The following TNS3 variants were observed in gnomAD, a reference collection of about 807,000 sequenced individuals.
TNS3 encodes the protein tensin 3.
In TNS3, 45 loss-of-function variants were observed where a neutral mutation model predicts 140.9. The observed-to-expected ratio is 0.32, with a 90% CI of 0.25 to 0.41. The LOEUF is 0.41. Among genes scored for constraint, TNS3 ranks in the 10% least tolerant of loss-of-function variants. The pLI is 1.00. For missense variants in TNS3, 1,716 were observed against 1,906.7 expected, an observed-to-expected ratio of 0.90 and a Z score of 1.86; for synonymous variants, 815 against 788.4, an observed-to-expected ratio of 1.03 and a Z score of -0.56.
intron 20 of TNS3, among the ~76,000 whole-genome samples, chr7:47,319,206 G>A (rs1787587520): frequency 6.6e-6 from 1 of 152,182 alleles, no homozygotes; most frequent in Admixed American, 6.5e-5. Context: ...TCACGGTTCT[G>A]AAGGCTGTAG....
At chr7:47,453,393 C>T (rs548863581) in intron 4 of TNS3, among the ~76,000 whole-genome samples, 4 of 152,270 alleles carry the variant, frequency 2.6e-5, no homozygotes, top group South Asian at 2.1e-4. Flanking sequence ...AAACCTACTT[C>T]GAGCTGCTGG....
chr7:47,582,239 C>T (rs1189257571), upstream of TNS3: 6 of 237,484 alleles, frequency 2.5e-5, no homozygotes, highest in Non-Finnish European at 5.1e-5. Context: ...GTCACCTGGC[C>T]TCATCACCCT....
intron 13 of TNS3, 101 bp from the exon 14 acceptor site, chr7:47,401,015 C>A: frequency 6.6e-7 from 1 of 1,512,638 alleles, no homozygotes; most frequent in Non-Finnish European, 9.0e-7. Context: ...AGGGCCTCCC[C>A]TCTGGACTCT....
At chr7:47,486,297 T>C (rs1229388816) in intron 3 of TNS3, among the ~76,000 whole-genome samples, 1 of 151,518 alleles carries the variant, frequency 6.6e-6, no homozygotes, top group Admixed American at 6.6e-5. Flanking sequence ...TGAAACTGAG[T>C]TTTGTAAGTG....
intron 3 of TNS3, among the ~76,000 whole-genome samples, chr7:47,490,709 G>A (rs1797778997): frequency 6.6e-6 from 1 of 152,250 alleles, no homozygotes; most frequent in Non-Finnish European, 1.5e-5. Context: ...CGTTGGAAAT[G>A]GGCATGAGGG....
intron 20 of TNS3, among the ~76,000 whole-genome samples, chr7:47,344,353 C>G (rs1789193895): frequency 6.6e-6 from 1 of 151,820 alleles, no homozygotes; most frequent in Non-Finnish European, 1.5e-5. Flanking sequence ...GGAGGGGCCA[C>G]AAGGTACGTG....
At chr7:47,293,232 A>G (rs1392588097) in intron 25 of TNS3, among the ~76,000 whole-genome samples, 3 of 152,214 alleles carry the variant, frequency 2.0e-5, no homozygotes, top group Non-Finnish European at 2.9e-5. Flanking sequence ...TCAACCATAT[A>G]TATTACCCCT....
At position 47,415,199 on chromosome 7, in the gene TNS3, G is replaced by C; in HGVS notation, c.481C>G (p.Gln161Glu). 1.2e-6 allele frequency: 2 copies of C among 1,603,960 alleles called. No individual in the cohort carries two copies. The highest frequency in any genetic ancestry group is 1.7e-6 in the Non-Finnish European group (2 of 1,175,952). The change falls in exon 11 of 31, where the codon CAG becomes GAG. Residue 161 changes from glutamine to glutamate, a missense_variant. Physicochemically the swap from Gln to Glu is conservative, Grantham distance 29 (BLOSUM62 2). Transcript: ENST00000311160. ...CCGGACAGGAGCCCACTGAGGAACT[G>C]AACATACCTGCAAAACGGACAGCTG... ...LMQPSQKRYV[Q>E]FLSGLLSGSV...
rs552194762 is a variant in TNS3 at position 47,406,706 on chromosome 7, G to A, written c.723+5021C>T. On this transcript the variant is annotated intron_variant, in intron 13 of 30. Coordinates refer to ENST00000311160, the MANE Select transcript of TNS3 (RefSeq NM_022748.12). The stretch of plus-strand genomic sequence containing the variant: ...AAATCTATGCACATGCTTTCTGCTC[G>A]TTAGGATCCTCTCCAAGCCATGACT... 1.2e-4 allele frequency among the ~76,000 whole-genome samples: 18 copies of A among 152,252 alleles called. 2 individuals are homozygous for A. The South Asian group carries it at 2.5e-3, about 21-fold the overall frequency.
chr7:47,396,934 C>T (rs1226842431), intron 15 of TNS3, 30 bp from the exon 16 acceptor site: 3 of 1,528,044 alleles, frequency 2.0e-6, no homozygotes, highest in Middle Eastern at 3.5e-4. Context: ...CAACATTAGT[C>T]CCAGTGAAAC....
intron 17 of TNS3, among the ~76,000 whole-genome samples, chr7:47,351,547 T>C (rs1047496247): frequency 6.6e-6 from 1 of 152,146 alleles, no homozygotes; most frequent in Non-Finnish European, 1.5e-5. Context: ...GACTCCACGC[T>C]AGGTCCAAGG....
intron 16 of TNS3, chr7:47,396,571 C>T (rs1367464826): frequency 3.7e-6 from 2 of 542,020 alleles, no homozygotes; most frequent in Non-Finnish European, 6.6e-6. Flanking sequence ...ACAGCTCATC[C>T]ACCCGTTACA....
chr7:47,395,211 G>T (rs1277892462), intron 16 of TNS3, among the ~76,000 whole-genome samples: 1 of 152,176 alleles, frequency 6.6e-6, no homozygotes, highest in East Asian at 1.9e-4. Flanking sequence ...CATCACCTCA[G>T]GACAGAGCGC....
chr7:47,340,843 A>T (rs1298871751), intron 20 of TNS3, among the ~76,000 whole-genome samples: 1 of 152,072 alleles, frequency 6.6e-6, no homozygotes, highest in Admixed American at 6.5e-5. Flanking sequence ...GAACTTCCAG[A>T]ACTATGTTGA....
At chr7:47,547,670 C>A (rs1414391642) in intron 1 of TNS3, among the ~76,000 whole-genome samples, 1 of 152,030 alleles carries the variant, frequency 6.6e-6, no homozygotes, top group Non-Finnish European at 1.5e-5. Context: ...CTTCCAGGAG[C>A]CCTCAGCATG....
At chr7:47,485,030 G>A (rs146042150) in intron 3 of TNS3, among the ~76,000 whole-genome samples, 181 of 152,340 alleles carry the variant, frequency 1.2e-3, no homozygotes, top group African/African-American at 3.9e-3. Flanking sequence ...CCCTGAGACC[G>A]TCCTGCAGAC....
At position 47,396,134 on chromosome 7, in the gene TNS3, A is replaced by C. The variant is rs936808268; in HGVS notation, c.1024+666T>G. 2.6e-5 allele frequency among the ~76,000 whole-genome samples: 4 copies of C among 152,190 alleles called. No homozygotes were observed. In the South Asian group the frequency reaches 8.3e-4, roughly 32 times the overall value. On this transcript the variant is annotated intron_variant, in intron 16 of 30. Transcript: ENST00000311160. ...TCTCAATCGGTGGTTGAAAAAGACAAGGGATCAGCATGACATGCTAGGAAA... is the reference window on the plus strand; with the variant it reads ...TCTCAATCGGTGGTTGAAAAAGACACGGGATCAGCATGACATGCTAGGAAA...
chr7:47,436,381 T>A (rs1291181377), intron 7 of TNS3, among the ~76,000 whole-genome samples: 1 of 152,214 alleles, frequency 6.6e-6, no homozygotes, highest in Non-Finnish European at 1.5e-5. Flanking sequence ...ACAACTTATG[T>A]TGACTCAGTC....
chr7:47,562,381 C>G (rs1012793566), intron 1 of TNS3, among the ~76,000 whole-genome samples: 4 of 99,936 alleles, frequency 4.0e-5, no homozygotes, highest in African/African-American at 3.8e-5. Context: ...GTCTCATCTG[C>G]TGCCTTTTTT....
Sources: gnomAD v4.1 joint callset for allele counts (sites outside exome capture counted in the v4.1 genomes callset) on GRCh38, gnomAD v4.1.1 for gene constraint, MANE v1.5 for transcripts, NCBI Gene and HGNC (gene_info 2026-07-23, HGNC 2026-07-21) for gene names.